GUCY2D: variants seen among roughly 807,000 people sequenced by gnomAD.
GUCY2D encodes guanylate cyclase 2D, retinal, also known as retinal guanylyl cyclase 1.
Under a neutral mutation model 101.3 loss-of-function variants are expected in GUCY2D, and 70 were observed. The ratio of observed to expected loss-of-function variants is 0.69; its 90% CI spans 0.57 to 0.84. The LOEUF is 0.84. Among genes scored for constraint, GUCY2D ranks in the 40% least tolerant of loss-of-function variants. GUCY2D has a pLI of 0.00. For missense variants in GUCY2D, 1,460 were observed against 1,542.5 expected (o/e 0.95, Z 0.90); for synonymous variants, 688 against 670.7 (o/e 1.03, Z -0.40).
In GUCY2D at chr17:8,015,647, G is replaced by A. The variant is rs546378331; in HGVS notation, c.2945-96G>A. On this transcript the variant is annotated intron_variant, in intron 15 of 19. Transcript: ENST00000254854. ...CTTAACAAGGCTTATTTGGGGGGCT[G>A]GTGGAGATAATGGGTGCGAAGATCC... is the stretch of plus-strand genomic sequence containing the variant. The A allele has an allele frequency of 1.1e-4, 137 of 1,191,764 alleles. 3 individuals are homozygous for A. The South Asian group carries it at 1.7e-3, about 14-fold the overall frequency. 73.8% of individuals were successfully genotyped at this position (1,191,764 alleles called of 1,614,324 possible).
In GUCY2D at chr17:8,015,371, C is replaced by G. The variant is rs1975945188; in HGVS notation, c.2813C>G (p.Pro938Arg). 1 of 1,612,002 alleles carries G rather than the reference C, an allele frequency of 6.2e-7. No individual in the cohort carries two copies. The highest frequency in any genetic ancestry group is 8.5e-7 in the Non-Finnish European group (1 of 1,179,984). ...GDAYMVASGLPQRNGQRHAAE... is the reference protein window; with the variant it reads ...GDAYMVASGLRQRNGQRHAAE... ...GCCTATATGGTGGCCTCGGGGCTGC[C>G]CCAGCGGAATGGGCAGCGACACGCG... The change falls in exon 15 of 20, where the codon CCC becomes CGC. Residue 938 changes from proline (P) to arginine (R), a missense_variant. Around this residue, in one of 3 missense-constraint regions of GUCY2D, gnomAD observed 49 missense variants for 85.0 expected, o/e 0.58. Coordinates refer to ENST00000254854, the MANE Select transcript of GUCY2D (RefSeq NM_000180.4).
rs754170656 is a variant in GUCY2D, at chr17:8,015,733, ATC to A, written c.2945-7_2945-6del. The stretch of plus-strand genomic sequence containing the variant: ...CCTGCTAGCCCCGCCGACCCCCAGC[ATC>A]TCCACAGGTCCATGCGTGGCAGGCG... On this transcript the variant is annotated splice_polypyrimidine_tract_variant and splice_region_variant and intron_variant, in intron 15 of 19. Transcript: ENST00000254854. 29 of 1,599,100 alleles carry A rather than the reference ATC, an allele frequency of 1.8e-5. No individual in the cohort carries two copies. The highest frequency in any genetic ancestry group is 1.7e-4 in the Middle Eastern group (1 of 5,960).
chr17:8,016,356 C>A (rs1975975586), intron 18 of GUCY2D, 66 bp downstream of exon 18: 7 of 1,429,448 alleles, frequency 4.9e-6, no homozygotes, highest in Non-Finnish European at 6.7e-6. Context: ...CTGTGTCTGA[C>A]CCCCCGCGCG....
rs1975975721 is a variant in GUCY2D at position 8,016,361 on chromosome 17, C to T, written c.3224+71C>T. ...GCCTCCTGCTCTGTGTCTGACCCCC[C>T]GCGCGCGAGGCAGCGATGACGTGGG... On this transcript the variant is annotated intron_variant, in intron 18 of 19. Coordinates refer to ENST00000254854, the MANE Select transcript of GUCY2D (RefSeq NM_000180.4). 6.3e-6 allele frequency: 9 copies of T among 1,434,052 alleles called. No homozygotes were observed. The South Asian group carries it at 9.8e-5, about 16-fold the overall frequency. 88.8% of individuals were successfully genotyped at this position (1,434,052 alleles called of 1,614,324 possible).
chr17:8,014,018 C>G lies in GUCY2D; in HGVS notation c.2402C>G (p.Thr801Ser). The G allele has an allele frequency of 6.2e-7, 1 of 1,613,130 alleles. No individual in the cohort carries two copies. The highest frequency in any genetic ancestry group is 8.5e-7 in the Non-Finnish European group (1 of 1,179,886). ...GAACTTCGGCCCTCCATGGACCACA[C>G]CTTCGACCTGGTCAGGGGCTGGGAG... ...QPELRPSMDH[T>S]FDLFKNINKG... Residue 801 changes from threonine (T) to serine (S), a missense_variant, in exon 12 of 20, where the codon ACC (threonine) becomes AGC (serine). Transcript: ENST00000254854. This position sits in a 1 kb window ranked among gnomAD's most constrained non-coding sequence, Gnocchi z 4.0.
In GUCY2D at chr17:8,009,568, C is replaced by G. The variant is rs776439113; in HGVS notation, c.1731C>G (p.Thr577=). The G allele has an allele frequency of 1.2e-6, 2 of 1,612,778 alleles. No homozygotes were observed. The highest frequency in any genetic ancestry group is 1.7e-6 in the Non-Finnish European group (2 of 1,178,748). The change falls in exon 8 of 20, where the codon ACC becomes ACG. Residue 577 remains threonine (T), a synonymous_variant. Coordinates refer to ENST00000254854, the MANE Select transcript of GUCY2D (RefSeq NM_000180.4). ...GDQHIAIRPA[T]KTAFSKLQEL... Reference sequence around the variant, plus strand: ...AGCACATAGCTATCCGCCCAGCAACCAAGACGGCCTTCTCCAAGGTGAGAC... The same window carrying G: ...AGCACATAGCTATCCGCCCAGCAACGAAGACGGCCTTCTCCAAGGTGAGAC...
rs1975745573 is a variant in GUCY2D, at chr17:8,006,584, C to G, written c.1248C>G (p.Ala416=). The G allele has an allele frequency of 6.2e-7, 1 of 1,613,694 alleles. No homozygotes were observed. The highest frequency in any genetic ancestry group is 2.2e-5 in the East Asian group (1 of 44,880). ...ACGCGGCGGGAGACCGGCTTTTTGC[C>G]ACATACATGCTGGATCCTGCCCGGG... ...DTDAAGDRLF[A]TYMLDPARGS... is the part of the protein sequence containing the mutation. Residue 416 remains alanine (A), a synonymous_variant, in exon 4 of 20, where the codon GCC becomes GCG. Transcript: ENST00000254854.
rs201383207 is a variant in GUCY2D at position 8,007,931 on chromosome 17, G to A, written c.1567G>A (p.Val523Met). The change falls in exon 7 of 20, where the codon GTG (valine) becomes ATG (methionine). Residue 523 changes from valine (V) to methionine (M), a missense_variant and splice_region_variant. Coordinates refer to ENST00000254854, the MANE Select transcript of GUCY2D (RefSeq NM_000180.4). ...LHPHGGTSRK[V>M]AQGSRSSLGA... ...TCTTGCATTGACCTCTACCTGCTAG[G>A]TGGCCCAGGGGAGTCGATCAAGTCT... is the stretch of plus-strand genomic sequence containing the variant. 1.2e-6 allele frequency: 2 copies of A among 1,602,734 alleles called. No individual in the cohort carries two copies. Among genetic ancestry groups the A allele is most frequent in the African/African-American group, 2.7e-5 (2 of 74,762 alleles).
At chr17:8,005,872 T>G (rs1975726795) in intron 3 of GUCY2D, among the ~76,000 whole-genome samples, 1 of 152,172 alleles carries the variant, frequency 6.6e-6, no homozygotes, top group Non-Finnish European at 1.5e-5. Flanking sequence ...GAAGGTTTTT[T>G]GTTTGTTTTT....
chr17:8,015,755 C>T lies in GUCY2D; in HGVS notation c.2957C>T (p.Ala986Val), dbSNP rs1975956459. 1 of 1,609,278 alleles carries T rather than the reference C, an allele frequency of 6.2e-7. No individual in the cohort carries two copies. The highest frequency in any genetic ancestry group is 1.7e-5 in the Admixed American group (1 of 59,636). Residue 986 changes from alanine to valine, a missense_variant, in exon 16 of 20, where the codon GCA (alanine) becomes GTA (valine). Around this residue, in one of 3 missense-constraint regions of GUCY2D, gnomAD observed 215 missense variants for 227.9 expected, o/e 0.94. Transcript: ENST00000254854. ...RIGLHSGPCV[A>V]GVVGLTMPRY... ...AGCATCTCCACAGGTCCATGCGTGG[C>T]AGGCGTGGTGGGCCTCACCATGCCG...
At chr17:8,004,238 G>T (rs1049561996) in intron 3 of GUCY2D, 82 bp downstream of exon 3, 14 of 1,288,638 alleles carry the variant, frequency 1.1e-5, no homozygotes, top group Non-Finnish European at 1.5e-5. Context: ...TGCAGCCAAT[G>T]GAGAAAGAAC....
intron 7 of GUCY2D, 30 bp downstream of exon 7, chr17:8,008,062 C>G: frequency 7.3e-7 from 1 of 1,373,908 alleles, no homozygotes; most frequent in Non-Finnish European, 1.0e-6. Flanking sequence ...GACAGAGAGA[C>G]AGTGGGGGAA....
rs1325865475 is a variant in GUCY2D at position 8,015,843 on chromosome 17, T to A, written c.3043+2T>A. The A allele has an allele frequency of 6.2e-7, 1 of 1,611,172 alleles. No individual in the cohort carries two copies. The highest frequency in any genetic ancestry group is 8.5e-7 in the Non-Finnish European group (1 of 1,178,578). Reference sequence around the variant, plus strand: ...CGCGCATGGAGTCCACCGGGCTGCGTGAGTGTGACGGGGACAAGACGGGGA... The same window carrying A: ...CGCGCATGGAGTCCACCGGGCTGCGAGAGTGTGACGGGGACAAGACGGGGA... On this transcript the variant is annotated splice_donor_variant, in intron 16 of 19. Transcript: ENST00000254854. LOFTEE classifies it high-confidence loss of function.
intron 4 of GUCY2D, 140 bp downstream of exon 4, chr17:8,006,854 C>T (rs1975754362): frequency 4.2e-5 from 37 of 889,158 alleles, no homozygotes; most frequent in Non-Finnish European, 6.3e-5. Context: ...TTGCACAGGA[C>T]CCCTCTCTTG....
intron 7 of GUCY2D, among the ~76,000 whole-genome samples, chr17:8,008,786 C>T (rs955909680): frequency 6.6e-6 from 1 of 152,220 alleles, no homozygotes; most frequent in Non-Finnish European, 1.5e-5. Flanking sequence ...TAATGCAGCT[C>T]CTAGTTTTTG....
At chr17:8,008,784 C>G (rs1030627586) in intron 7 of GUCY2D, among the ~76,000 whole-genome samples, 1 of 152,236 alleles carries the variant, frequency 6.6e-6, no homozygotes, top group African/African-American at 2.4e-5. Context: ...ACTAATGCAG[C>G]TCCTAGTTTT....
Position 8,013,978 on chromosome 17 carries a change from T to C in GUCY2D, c.2362T>C (p.Trp788Arg). ...VECILLMKQC[W>R]AEQPELRPSM... ...GTGTATCCTCCTGATGAAGCAGTGC[T>C]GGGCAGAGCAGCCGGAACTTCGGCC... Residue 788 changes from tryptophan (W) to arginine (R), a missense_variant, in exon 12 of 20, where the codon TGG becomes CGG. Physicochemically the swap from Trp to Arg is moderately radical, Grantham distance 101 (BLOSUM62 -3). Around this residue, in one of 3 missense-constraint regions of GUCY2D, gnomAD observed 1,196 missense variants for 1,229.6 expected, o/e 0.97. Coordinates refer to ENST00000254854, the MANE Select transcript of GUCY2D (RefSeq NM_000180.4). The surrounding 1 kb of genome is among the most constrained non-coding windows in gnomAD (Gnocchi z 5.0). 2 of 1,613,902 alleles carry C rather than the reference T, an allele frequency of 1.2e-6. No individual in the cohort carries two copies. Among genetic ancestry groups the C allele is most frequent in the Non-Finnish European group, 1.7e-6 (2 of 1,179,864 alleles).
rs546323421 is a variant in GUCY2D, at chr17:8,013,045, T to G, written c.2114-58T>G. The stretch of plus-strand genomic sequence containing the variant: ...TGGTGTCTGGGTGCCAACCTGGGCT[T>G]TCTGGTGAGGGTGGGAGTCTTTCCC... On this transcript the variant is annotated intron_variant, in intron 10 of 19. Coordinates refer to ENST00000254854, the MANE Select transcript of GUCY2D (RefSeq NM_000180.4). The surrounding 1 kb of genome is among the most constrained non-coding windows in gnomAD (Gnocchi z 5.0). 120 of 1,564,634 alleles carry G rather than the reference T, an allele frequency of 7.7e-5. No homozygotes were observed. Among genetic ancestry groups the G allele is most frequent in the Non-Finnish European group, 1.0e-4 (116 of 1,147,426 alleles).
chr17:8,007,878 G>A lies in GUCY2D; in HGVS notation c.1567-53G>A, dbSNP rs1975776044. 5.3e-6 allele frequency: 6 copies of A among 1,138,622 alleles called. No homozygotes were observed. In the South Asian group the frequency reaches 7.5e-5, roughly 14 times the overall value. The allele number at this position is 1,138,622 out of a possible 1,614,324, so 70.5% of individuals were successfully genotyped here. A position where few individuals can be genotyped will look rare whatever the true frequency, so the allele number is the denominator to read the frequency against. ...AAAACTCAGCCTGACCTCAACCCAG[G>A]ACTCTGACACCAGAATATATTTTGA... On this transcript the variant is annotated intron_variant, in intron 6 of 19. Transcript: ENST00000254854.
Sources: gnomAD v4.1 joint callset for allele counts (sites outside exome capture counted in the v4.1 genomes callset) on GRCh38, gnomAD v4.1.1 for gene constraint, gnomAD v4.1.1 regional missense constraint, Gnocchi (gnomAD v3.1) non-coding constraint, MANE v1.5 for transcripts, NCBI Gene and HGNC (gene_info 2026-07-23, HGNC 2026-07-21) for gene names.